The following EPB41 variants were observed in gnomAD, a reference collection of about 807,000 sequenced individuals.
The protein encoded by EPB41 is erythrocyte membrane protein band 4.1, also known as protein 4.1.
Under a neutral mutation model 108.0 loss-of-function variants are expected in EPB41, and 65 were observed. The ratio of observed to expected loss-of-function variants is 0.60; its 90% CI spans 0.49 to 0.74. EPB41 has a LOEUF of 0.74. EPB41 is among the 30% of genes least tolerant of loss of function. The probability of loss-of-function intolerance (pLI) is 0.00; values close to 1 mark genes in which losing one functional copy is unlikely to be tolerated. For missense variants in EPB41, 875 were observed against 1,037.0 expected, an observed-to-expected ratio of 0.84 and a Z score of 2.15; for synonymous variants, 336 against 358.9, an observed-to-expected ratio of 0.94 and a Z score of 0.72.
chr1:29,099,620 A>G (rs921034175), intron 17 of EPB41, among the ~76,000 whole-genome samples: 3 of 152,054 alleles, frequency 2.0e-5, no homozygotes, highest in Non-Finnish European at 4.4e-5. Flanking sequence ...TTTACTTCCC[A>G]CTTTCAGTAA....
chr1:28,903,945 C>A (rs1439926739), intron 1 of EPB41, among the ~76,000 whole-genome samples: 3 of 151,960 alleles, frequency 2.0e-5, no homozygotes, highest in African/African-American at 7.3e-5. Context: ...TGGCTCACTG[C>A]AACCTCCACC....
chr1:28,958,501 G>C (rs2149087027), intron 1 of EPB41, among the ~76,000 whole-genome samples: 1 of 151,592 alleles, frequency 6.6e-6, no homozygotes. Context: ...TTAGATAGTG[G>C]AATACCGTGT....
chr1:28,989,474 A>G (rs890864334), intron 2 of EPB41: 3 of 786,144 alleles, frequency 3.8e-6, no homozygotes, highest in Non-Finnish European at 4.6e-6. Context: ...TGGGGGGAAA[A>G]AAGTAAAAGT....
intron 3 of EPB41, 115 bp downstream of exon 3, chr1:28,993,657 C>CTTTT (rs932117775): frequency 4.6e-4 from 254 of 553,690 alleles, no homozygotes; most frequent in East Asian, 2.8e-3. Flanking sequence ...TTTCTTTTTT[C>CTTTT]TTTTTTTTTT....
intron 17 of EPB41, among the ~76,000 whole-genome samples, chr1:29,104,666 G>A (rs558593930): frequency 4.6e-4 from 70 of 151,928 alleles, no homozygotes; most frequent in East Asian, 1.6e-3. Context: ...TCACTGCAAC[G>A]TCTGCCTTCC....
intron 16 of EPB41, chr1:29,069,282 T>C (rs951374012): frequency 1.6e-6 from 2 of 1,231,534 alleles, no homozygotes; most frequent in African/African-American, 3.1e-5. Flanking sequence ...GAGCCAAGTT[T>C]TTCCTTTCAT....
At chr1:29,051,953 A>G (rs1462304295) in intron 11 of EPB41, among the ~76,000 whole-genome samples, 2 of 152,104 alleles carry the variant, frequency 1.3e-5, no homozygotes, top group Non-Finnish European at 2.9e-5. Context: ...TATCAGAAAT[A>G]CTAAATCATG....
At chr1:29,020,157 C>T (rs1027038435) in intron 7 of EPB41, among the ~76,000 whole-genome samples, 3 of 151,950 alleles carry the variant, frequency 2.0e-5, no homozygotes, top group Non-Finnish European at 4.4e-5. Context: ...CAGCCTCCAC[C>T]TCCCGGGTTC....
In EPB41 at chr1:29,117,520, G is replaced by T. The variant is rs550953412; in HGVS notation, c.*708G>T. 1.3e-5 allele frequency: 2 copies of T among 152,750 alleles called. No individual in the cohort carries two copies. Among genetic ancestry groups the T allele is most frequent in the South Asian group, 4.1e-4 (2 of 4,824 alleles). The allele number at this position is 152,750 out of a possible 1,614,324, so 9.5% of individuals were successfully genotyped here. On this transcript the variant is annotated 3_prime_UTR_variant, in exon 21 of 21. Transcript: ENST00000343067. Reference sequence around the variant, plus strand: ...AGTTGCTTCAGATATCTGATACTGTGAATGTTTGAACATATCCGTGGCCTT... The same window carrying T: ...AGTTGCTTCAGATATCTGATACTGTTAATGTTTGAACATATCCGTGGCCTT...
In EPB41 at chr1:28,903,485, C is replaced by T. The variant is rs533401220; in HGVS notation, c.-8+16275C>T. 7.9e-5 allele frequency among the ~76,000 whole-genome samples: 12 copies of T among 151,868 alleles called. No homozygotes were observed. The East Asian group carries it at 1.9e-3, about 25-fold the overall frequency. On this transcript the variant is annotated intron_variant, in intron 1 of 16. Transcript: ENST00000347529. ...GACTACAGGGGCCCACTGCCACACC[C>T]GGCTAATTTTTATATTTTTAGTAGA...
intron 1 of EPB41, among the ~76,000 whole-genome samples, chr1:28,923,754 C>T (rs538417668): frequency 1.3e-5 from 2 of 152,126 alleles, no homozygotes; most frequent in Non-Finnish European, 2.9e-5. Context: ...TGAATAATTG[C>T]ATAATGATCA....
Position 28,987,687 on chromosome 1 carries a change from T to G in EPB41, c.250T>G (p.Ser84Ala). The G allele has an allele frequency of 6.2e-7, 1 of 1,614,144 alleles. No homozygotes were observed. Among genetic ancestry groups the G allele is most frequent in the Non-Finnish European group, 8.5e-7 (1 of 1,180,028 alleles). The change falls in exon 2 of 21, where the codon TCC (serine) becomes GCC (alanine). Residue 84 changes from serine to alanine, a missense_variant. Ser to Ala is a moderately conservative substitution (Grantham distance 99). Transcript: ENST00000343067. ...SESRGLSRLFSSFLKRPKSQV... is the reference protein window; with the variant it reads ...SESRGLSRLFASFLKRPKSQV... ...AAGCAGAGGACTTTCACGACTATTC[T>G]CCTCGTTTCTCAAAAGGCCCAAATC...
chr1:28,920,331 T>C (rs1272244580), intron 1 of EPB41, among the ~76,000 whole-genome samples: 3 of 152,218 alleles, frequency 2.0e-5, no homozygotes, highest in Non-Finnish European at 4.4e-5. Flanking sequence ...TAAGATTGGA[T>C]ATAATCTGTA....
rs1052495181 is a variant in EPB41 at position 29,068,924 on chromosome 1, A to G, written c.2184+3766A>G. 1.5e-5 allele frequency: 11 copies of G among 751,094 alleles called. No individual in the cohort carries two copies. In the Middle Eastern group the frequency reaches 1.3e-3, roughly 89 times the overall value. The allele number at this position is 751,094 out of a possible 1,614,324, so 46.5% of individuals were successfully genotyped here. A position where few individuals can be genotyped will look rare whatever the true frequency, so the allele number is the denominator to read the frequency against. Reference sequence around the variant, plus strand: ...GCTATACTAGTAAATTCACACCCACAGCCTTTCGGCCTAACACATAACACT... The same window carrying G: ...GCTATACTAGTAAATTCACACCCACGGCCTTTCGGCCTAACACATAACACT... On this transcript the variant is annotated intron_variant, in intron 16 of 20. Coordinates refer to ENST00000343067, the MANE Select transcript of EPB41 (RefSeq NM_001376013.1).
intron 1 of EPB41, among the ~76,000 whole-genome samples, chr1:28,976,268 A>G (rs942521383): frequency 6.6e-6 from 1 of 152,232 alleles, no homozygotes; most frequent in African/African-American, 2.4e-5. Context: ...TCTACCTTGT[A>G]GAGTGGTTTA....
At chr1:28,887,103 A>T (rs1322250120), upstream of EPB41, 1 of 606,872 alleles carries the variant, frequency 1.6e-6, no homozygotes, top group Non-Finnish European at 2.7e-6. The surrounding 1 kb of genome is among the most constrained non-coding windows in gnomAD (Gnocchi z 4.9). Context: ...TTGCCCTGTC[A>T]GTGCAGGTGG....
chr1:29,105,498 A>G (rs978608420), intron 17 of EPB41, among the ~76,000 whole-genome samples: 2 of 152,100 alleles, frequency 1.3e-5, no homozygotes, highest in African/African-American at 4.8e-5. Context: ...TTGGCCTCCC[A>G]AAGTGCTGGT....
At chr1:28,943,372 G>A (rs151261613) in intron 1 of EPB41, among the ~76,000 whole-genome samples, 1,998 of 152,306 alleles carry the variant, frequency 0.013, 45 homozygotes, top group African/African-American at 0.044. Flanking sequence ...CTACAATGAG[G>A]CCGGGCGCTG....
intron 1 of EPB41, among the ~76,000 whole-genome samples, chr1:28,943,862 T>C (rs1195256209): frequency 6.6e-6 from 1 of 152,184 alleles, no homozygotes; most frequent in African/African-American, 2.4e-5. Flanking sequence ...CACTGCTGGA[T>C]ATATACCCAA....
Sources: allele counts gnomAD v4.1 joint callset (sites outside exome capture counted in the v4.1 genomes callset), GRCh38; gene constraint gnomAD v4.1.1; non-coding constraint Gnocchi (gnomAD v3.1); transcripts MANE v1.5; gene names NCBI Gene and HGNC (gene_info 2026-07-23, HGNC 2026-07-21).